Variants in DIAPH2 observed in about 807,000 individuals in gnomAD.
DIAPH2 encodes the protein protein diaphanous homolog 2.
A neutral mutation model predicts 92.7 loss-of-function variants in DIAPH2; 35 were observed. The observed-to-expected ratio is 0.38, with a 90% CI of 0.29 to 0.50. The LOEUF is 0.50. DIAPH2 is among the 20% of genes least tolerant of loss of function. DIAPH2 has a pLI of 0.94. For missense variants in DIAPH2, 701 were observed against 819.5 expected (o/e 0.86, Z 1.77); for synonymous variants, 301 against 280.4 (o/e 1.07, Z -0.73).
intron 25 of DIAPH2, among the ~76,000 whole-genome samples, chrX:97,417,541 G>A (rs1602576760): frequency 9.0e-6 from 1 of 111,575 alleles, no homozygotes; most frequent in Non-Finnish European, 1.9e-5. Flanking sequence ...TGGGCGTGGT[G>A]TCACCTGCCT....
At chrX:97,381,271 C>A (rs1247800987) in intron 24 of DIAPH2, among the ~76,000 whole-genome samples, 1 of 111,121 alleles carries the variant, frequency 9.0e-6, no homozygotes, top group Non-Finnish European at 1.9e-5. Flanking sequence ...TTTCTATTTT[C>A]AAAATGTGGT....
chrX:97,116,946 C>T (rs892133470), intron 21 of DIAPH2, among the ~76,000 whole-genome samples: 12 of 111,840 alleles, frequency 1.1e-4, no homozygotes, highest in African/African-American at 2.3e-4. Flanking sequence ...TTCTACACAA[C>T]GCTGATCTGA....
chrX:97,382,161 C>A (rs1481721037), intron 24 of DIAPH2, among the ~76,000 whole-genome samples: 1 of 112,264 alleles, frequency 8.9e-6, no homozygotes. Flanking sequence ...TATGTGATGC[C>A]TTTTCACATT....
At chrX:97,329,935 C>T (rs1389571426) in intron 23 of DIAPH2, among the ~76,000 whole-genome samples, 1 of 93,259 alleles carries the variant, frequency 1.1e-5, no homozygotes, top group Non-Finnish European at 2.2e-5. Context: ...CACACACACA[C>T]ACCCCACATG....
chrX:96,808,664 C>G (rs1036302583), intron 4 of DIAPH2, among the ~76,000 whole-genome samples: 6 of 111,781 alleles, frequency 5.4e-5, no homozygotes, highest in African/African-American at 1.6e-4. Context: ...TCAACTAGTA[C>G]TCTGTCAGGA....
chrX:96,917,189 T>A (rs960225563), intron 8 of DIAPH2, among the ~76,000 whole-genome samples: 7 of 111,324 alleles, frequency 6.3e-5, no homozygotes, highest in Non-Finnish European at 1.1e-4. Context: ...TAAGTCTAGT[T>A]TGTAATGAAC....
At chrX:97,133,333 G>T (rs1361647237) in intron 21 of DIAPH2, among the ~76,000 whole-genome samples, 3 of 110,318 alleles carry the variant, frequency 2.7e-5, no homozygotes, top group Admixed American at 9.7e-5. Flanking sequence ...TGTTGCCCAG[G>T]CTGGAGTGCA....
intron 19 of DIAPH2, among the ~76,000 whole-genome samples, chrX:97,079,940 T>C (rs1013982283): frequency 9.2e-6 from 1 of 109,104 alleles, no homozygotes; most frequent in Non-Finnish European, 1.9e-5. Flanking sequence ...TTTTCTATAG[T>C]TTTTTCTTGA....
Position 97,075,187 on chromosome X carries a change from C to T in DIAPH2, c.2173C>T (p.Arg725Cys). The change falls in exon 19 of 27, where the codon CGC (arginine) becomes TGC (cysteine). Residue 725 changes from arginine (R) to cysteine (C), a missense_variant. Physicochemically the swap from Arg to Cys is radical, Grantham distance 180. Transcript: ENST00000324765. ...QNLSIFLGSY[R>C]MPYEDIRNVI... ...TTTAGCCATCTTTCTGGGATCATAT[C>T]GCATGCCATATGAAGACATAAGAAA... 8.4e-7 allele frequency: 1 copy of T among 1,184,831 alleles called. No individual in the cohort carries two copies. Among genetic ancestry groups the T allele is most frequent in the Non-Finnish European group, 1.1e-6 (1 of 879,286 alleles).
At chrX:97,039,853 G>T (rs1209860789) in intron 17 of DIAPH2, among the ~76,000 whole-genome samples, 1 of 111,495 alleles carries the variant, frequency 9.0e-6, no homozygotes, top group Non-Finnish European at 1.9e-5. Context: ...ATCTGAAAGT[G>T]ACTTTAAAGA....
At chrX:96,959,156 A>G (rs2065831527) in intron 16 of DIAPH2, among the ~76,000 whole-genome samples, 1 of 111,533 alleles carries the variant, frequency 9.0e-6, no homozygotes, top group Admixed American at 9.5e-5. Context: ...GTTATTTAGG[A>G]GCATTATTGT....
chrX:96,927,867 C>T (rs748144636), intron 9 of DIAPH2, among the ~76,000 whole-genome samples: 8 of 111,031 alleles, frequency 7.2e-5, no homozygotes, highest in Non-Finnish European at 1.3e-4. Flanking sequence ...CCATTTTCTA[C>T]TTTTGCTTTT....
intron 17 of DIAPH2, among the ~76,000 whole-genome samples, chrX:96,980,702 A>G (rs1178379991): frequency 9.0e-6 from 1 of 110,596 alleles, no homozygotes; most frequent in Non-Finnish European, 1.9e-5. Context: ...ATATCTATGT[A>G]TATGTATAGA....
chrX:96,965,140 A>G lies in DIAPH2; in HGVS notation c.1983A>G (p.Lys661=). Reference sequence around the variant, plus strand: ...AGAACTGTTTCTGGTTAAGAGTCAAAGAAGACAAGTTTGAGAATCCAGATC... The same window carrying G: ...AGAACTGTTTCTGGTTAAGAGTCAAGGAAGACAAGTTTGAGAATCCAGATC... ...LSENCFWLRV[K]EDKFENPDLF... is the part of the protein sequence containing the mutation. The change falls in exon 17 of 27, where the codon AAA becomes AAG. Residue 661 remains lysine (K), a synonymous_variant. Coordinates refer to ENST00000324765, the MANE Select transcript of DIAPH2 (RefSeq NM_006729.5). 2.5e-6 allele frequency: 3 copies of G among 1,196,953 alleles called. No individual in the cohort carries two copies. The highest frequency in any genetic ancestry group is 1.1e-6 in the Non-Finnish European group (1 of 887,838).
intron 23 of DIAPH2, among the ~76,000 whole-genome samples, chrX:97,273,009 G>T (rs2068403090): frequency 9.0e-6 from 1 of 111,305 alleles, no homozygotes. Context: ...TACAAAATTA[G>T]CTGGGCATGG....
At chrX:97,031,073 T>G (rs747156832) in intron 17 of DIAPH2, among the ~76,000 whole-genome samples, 42 of 111,696 alleles carry the variant, frequency 3.8e-4, no homozygotes, top group African/African-American at 1.3e-3. Context: ...TCTTTTACCC[T>G]TTTTATACTT....
At chrX:97,151,235 A>G (rs2067283379) in intron 22 of DIAPH2, among the ~76,000 whole-genome samples, 1 of 111,259 alleles carries the variant, frequency 9.0e-6, no homozygotes, top group Non-Finnish European at 1.9e-5. Context: ...GTGGCCACTT[A>G]TATGCACTTT....
chrX:96,829,218 G>T (rs1053482334), intron 4 of DIAPH2, among the ~76,000 whole-genome samples: 1 of 111,015 alleles, frequency 9.0e-6, no homozygotes, highest in African/African-American at 3.3e-5. Flanking sequence ...AACACTTGAA[G>T]AATTCCCATG....
At chrX:97,493,588 C>T (rs900279915) in intron 26 of DIAPH2, among the ~76,000 whole-genome samples, 17 of 110,969 alleles carry the variant, frequency 1.5e-4, no homozygotes, top group African/African-American at 5.2e-4. Flanking sequence ...ATAATTTCTA[C>T]CTCTGTTAGG....
Sources: gnomAD v4.1 joint callset for allele counts (sites outside exome capture counted in the v4.1 genomes callset) on GRCh38, gnomAD v4.1.1 for gene constraint, MANE v1.5 for transcripts, NCBI Gene and HGNC (gene_info 2026-07-23, HGNC 2026-07-21) for gene names.